The following TMEM179 variants were observed in gnomAD, a reference collection of about 807,000 sequenced individuals.
TMEM179 encodes the protein transmembrane protein 179, also known as transmembrane protein 179A.
TMEM179 carries 17 observed loss-of-function variants against 22.2 expected under a neutral mutation model. That is an observed-to-expected ratio of 0.77 (90% CI 0.52 to 1.15). TMEM179 has a LOEUF of 1.15. Among genes scored for constraint, TMEM179 ranks in the 50% most tolerant of loss-of-function variants. TMEM179 has a pLI of 0.00. For synonymous variants in TMEM179, 127 were observed against 140.5 expected (o/e 0.90, Z 0.68); for missense variants, 265 against 313.6 (o/e 0.84, Z 1.17).
intron 3 of TMEM179, chr14:104,594,530 A>C: frequency 2.4e-6 from 3 of 1,231,240 alleles, no homozygotes; most frequent in Non-Finnish European, 3.0e-6. Context: ...ACCCAATTCC[A>C]GGGTTCCCCC....
chr14:104,596,221 G>A (rs1040331729), intron 2 of TMEM179, among the ~76,000 whole-genome samples: 4 of 152,384 alleles, frequency 2.6e-5, no homozygotes, highest in Middle Eastern at 3.4e-3. Context: ...TCAGGTCTGG[G>A]TTTGCTTAAA....
intron 3 of TMEM179, chr14:104,594,104 A>T: frequency 8.1e-7 from 1 of 1,233,418 alleles, no homozygotes; most frequent in Admixed American, 4.1e-5. Context: ...AAGGAGAAAC[A>T]ATTTAATCAG....
chr14:104,597,214 G>A lies in TMEM179; in HGVS notation c.306-87C>T. 1 of 1,489,882 alleles carries A rather than the reference G, an allele frequency of 6.7e-7. No homozygotes were observed. The highest frequency in any genetic ancestry group is 8.9e-7 in the Non-Finnish European group (1 of 1,120,362). 92.3% of individuals were successfully genotyped at this position (1,489,882 alleles called of 1,614,324 possible). A position where few individuals can be genotyped will look rare whatever the true frequency, so the allele number is the denominator to read the frequency against. ...CCAGGCTGCAGCCAGAAACAGGAGG[G>A]GCAGGCTCACTGGACGCCATCTCCT... On this transcript the variant is annotated intron_variant, in intron 1 of 3. Coordinates refer to ENST00000556573, the MANE Select transcript of TMEM179 (RefSeq NM_001286389.2). This position sits in a 1 kb window ranked among gnomAD's most constrained non-coding sequence, Gnocchi z 4.8.
chr14:104,593,218 G>A lies in TMEM179; in HGVS notation c.*261C>T. 1 of 549,484 alleles carries A rather than the reference G, an allele frequency of 1.8e-6. No homozygotes were observed. The highest frequency in any genetic ancestry group is 3.2e-6 in the Non-Finnish European group (1 of 310,772). 34.0% of individuals were successfully genotyped at this position (549,484 alleles called of 1,614,324 possible). ...AGCCAAGGGGCCCTGTGCGAGGCCTGGAGGTGCCCCCCGCCCCCGCCCCAC... is the reference window on the plus strand; with the variant it reads ...AGCCAAGGGGCCCTGTGCGAGGCCTAGAGGTGCCCCCCGCCCCCGCCCCAC... On this transcript the variant is annotated 3_prime_UTR_variant, in exon 4 of 4. Transcript: ENST00000556573.
chr14:104,599,032 C>T (rs1352203534), intron 1 of TMEM179, among the ~76,000 whole-genome samples: 2 of 152,206 alleles, frequency 1.3e-5, no homozygotes, highest in East Asian at 3.8e-4. Flanking sequence ...ATCACAGCGC[C>T]ACATCCAAAG....
chr14:104,601,879 A>C, intron 1 of TMEM179, among the ~76,000 whole-genome samples: 1 of 151,516 alleles, frequency 6.6e-6, no homozygotes, highest in African/African-American at 2.4e-5. Context: ...GACAACCCTA[A>C]CCCTCACCCT....
At chr14:104,603,935 CTCGAGGTGGGCCTGGGT>C (rs1887328486) in intron 1 of TMEM179, among the ~76,000 whole-genome samples, 1 of 152,230 alleles carries the variant, frequency 6.6e-6, no homozygotes, top group South Asian at 2.1e-4. Flanking sequence ...AAGGCCTGAG[CTCGAGGTGGGCCTGGGT>C]GGCTCCCCTC....
intron 3 of TMEM179, chr14:104,594,092 TGAA>T: frequency 8.1e-7 from 1 of 1,233,346 alleles, no homozygotes; most frequent in Non-Finnish European, 1.0e-6. Context: ...TCCAAACAGT[TGAA>T]GGAGAAACAA....
chr14:104,592,787 C>T lies in TMEM179; in HGVS notation c.*692G>A, dbSNP rs1003776474. Among the ~76,000 whole-genome samples the T allele has an allele frequency of 2.0e-5, 3 of 152,180 alleles. No homozygotes were observed. The highest frequency in any genetic ancestry group is 1.3e-4 in the Admixed American group (2 of 15,278). The stretch of plus-strand genomic sequence containing the variant: ...GTCCTCTATGTGGTACGTGTGCCCC[C>T]GAAATCCCCAACCAGATGATGCCCC... On this transcript the variant is annotated 3_prime_UTR_variant, in exon 4 of 4. Coordinates refer to ENST00000556573, the MANE Select transcript of TMEM179 (RefSeq NM_001286389.2).
intron 1 of TMEM179, among the ~76,000 whole-genome samples, chr14:104,602,963 A>G (rs546330478): frequency 6.6e-6 from 1 of 152,292 alleles, no homozygotes; most frequent in South Asian, 2.1e-4. Context: ...TATCTCCCTG[A>G]GTTTAGAGTG....
Position 104,604,205 on chromosome 14 carries a change from C to T in TMEM179, c.305+232G>A. Among the ~76,000 whole-genome samples the T allele has an allele frequency of 6.6e-6, 1 of 152,306 alleles. No individual in the cohort carries two copies. On this transcript the variant is annotated intron_variant, in intron 1 of 3. Coordinates refer to ENST00000556573, the MANE Select transcript of TMEM179 (RefSeq NM_001286389.2). This position sits in a 1 kb window ranked among gnomAD's most constrained non-coding sequence, Gnocchi z 4.6. ...CCCGGAAGCGGGAGGTGATGCGCAG[C>T]TGGGGAGGGGAGGCACTGGCCTTGT...
At position 104,592,297 on chromosome 14, in the gene TMEM179, C is replaced by T. The variant is rs1886874488; in HGVS notation, c.*1182G>A. On this transcript the variant is annotated 3_prime_UTR_variant, in exon 4 of 4. Coordinates refer to ENST00000556573, the MANE Select transcript of TMEM179 (RefSeq NM_001286389.2). ...TTCCTCACACTCACATGCATGCACA[C>T]TCATGTCACAGGGAGTCACACCCTC... is the stretch of plus-strand genomic sequence containing the variant. 1.3e-5 allele frequency: 2 copies of T among 154,924 alleles called. No homozygotes were observed. Among genetic ancestry groups the T allele is most frequent in the African/African-American group, 2.4e-5 (1 of 41,436 alleles). The allele number at this position is 154,924 out of a possible 1,614,324, so 9.6% of individuals were successfully genotyped here.
intron 1 of TMEM179, among the ~76,000 whole-genome samples, chr14:104,599,871 G>A (rs895338813): frequency 2.6e-5 from 4 of 152,096 alleles, no homozygotes; most frequent in African/African-American, 4.8e-5. Flanking sequence ...CCTGAGATAC[G>A]GCAGAGGCTC....
intron 2 of TMEM179, among the ~76,000 whole-genome samples, chr14:104,596,308 C>T (rs1179704522): frequency 1.3e-5 from 2 of 152,146 alleles, no homozygotes; most frequent in East Asian, 1.9e-4. Context: ...CCCCTCAGGG[C>T]GGGGCATCCC....
intron 1 of TMEM179, among the ~76,000 whole-genome samples, chr14:104,601,670 C>T (rs1243779230): frequency 6.6e-6 from 1 of 152,208 alleles, no homozygotes; most frequent in Non-Finnish European, 1.5e-5. Context: ...TCAAGAAGGA[C>T]ACAGGCACCA....
intron 1 of TMEM179, among the ~76,000 whole-genome samples, chr14:104,599,414 G>A (rs80154953): frequency 0.012 from 1,784 of 152,174 alleles, 29 homozygotes; most frequent in African/African-American, 0.04. Context: ...TCCAGGTCCC[G>A]TTAGCCAGGG....
intron 1 of TMEM179, among the ~76,000 whole-genome samples, chr14:104,599,668 C>A (rs1887173301): frequency 6.6e-6 from 1 of 152,214 alleles, no homozygotes; most frequent in South Asian, 2.1e-4. Flanking sequence ...AGCTGCTCCG[C>A]CCCAGCCAAG....
At position 104,595,733 on chromosome 14, in the gene TMEM179, C is replaced by T. The variant is rs561271961; in HGVS notation, c.444-490G>A. On this transcript the variant is annotated intron_variant, in intron 2 of 3. Transcript: ENST00000556573. This position sits in a 1 kb window ranked among gnomAD's most constrained non-coding sequence, Gnocchi z 5.7. The stretch of plus-strand genomic sequence containing the variant: ...GAGATGGAGGTGGCATCCCCACCAA[C>T]GCTGCCCAGAAGCTCTGCCCCCATC... 1.3e-5 allele frequency among the ~76,000 whole-genome samples: 2 copies of T among 152,328 alleles called. No homozygotes were observed. Among genetic ancestry groups the T allele is most frequent in the South Asian group, 2.1e-4 (1 of 4,820 alleles).
chr14:104,601,292 G>A (rs1887230557), intron 1 of TMEM179, among the ~76,000 whole-genome samples: 1 of 152,302 alleles, frequency 6.6e-6, no homozygotes, highest in South Asian at 2.1e-4. Flanking sequence ...GGCCAGGTGA[G>A]TGACCACAAG....
Sources: allele counts gnomAD v4.1 joint callset (sites outside exome capture counted in the v4.1 genomes callset), GRCh38; gene constraint gnomAD v4.1.1; non-coding constraint Gnocchi (gnomAD v3.1); transcripts MANE v1.5; gene names NCBI Gene and HGNC (gene_info 2026-07-23, HGNC 2026-07-21).